RAPGEF6: variants seen among roughly 807,000 people sequenced by gnomAD.
RAPGEF6 encodes the protein PDZ domain containing guanine nucleotide exchange factor (GEF) 2.
Under a neutral mutation model 171.4 loss-of-function variants are expected in RAPGEF6, and 56 were observed. That is an observed-to-expected ratio of 0.33 (90% CI 0.26 to 0.41). RAPGEF6 has a LOEUF of 0.41. Ranked by LOEUF, RAPGEF6 falls within the 10% of genes least tolerant of loss-of-function variation. The pLI, the probability that RAPGEF6 is intolerant of heterozygous loss-of-function variation, is 1.00. For missense variants in RAPGEF6, 1,674 were observed against 1,921.4 expected, an observed-to-expected ratio of 0.87 and a Z score of 2.41; for synonymous variants, 692 against 650.1, an observed-to-expected ratio of 1.06 and a Z score of -0.98.
At position 131,492,716 on chromosome 5, in the gene RAPGEF6, G is replaced by A. The variant is rs1756364697; in HGVS notation, c.1597C>T (p.Leu533=). Reference sequence around the variant, plus strand: ...GGGGACTCGCGGGAAGCCTTTTGCAGCACAACCTGTCTCCACTTAGCCTTT... The same window carrying A: ...GGGGACTCGCGGGAAGCCTTTTGCAACACAACCTGTCTCCACTTAGCCTTT... ...AAKAKWRQVV[L]QKASRESPLQ... is the part of the protein sequence containing the mutation. Residue 533 remains leucine (L), a synonymous_variant, in exon 14 of 28, where the codon CTG becomes TTG. Transcript: ENST00000509018. 1.9e-6 allele frequency: 3 copies of A among 1,614,060 alleles called. No individual in the cohort carries two copies. Among genetic ancestry groups the A allele is most frequent in the Middle Eastern group, 3.3e-4 (2 of 6,062 alleles).
At chr5:131,530,266 T>C (rs957183980) in intron 6 of RAPGEF6, among the ~76,000 whole-genome samples, 9 of 152,034 alleles carry the variant, frequency 5.9e-5, no homozygotes, top group African/African-American at 1.9e-4. Context: ...GACAGTGTAG[T>C]AACTTTTTCA....
intron 17 of RAPGEF6, among the ~76,000 whole-genome samples, chr5:131,466,607 T>G (rs1754368117): frequency 1.3e-5 from 2 of 152,192 alleles, no homozygotes; most frequent in African/African-American, 4.8e-5. Flanking sequence ...CTGATGGTTT[T>G]AAACAGAGGA....
intron 18 of RAPGEF6, among the ~76,000 whole-genome samples, chr5:131,462,659 TACC>T (rs1469822646): frequency 6.6e-6 from 1 of 152,194 alleles, no homozygotes; most frequent in Non-Finnish European, 1.5e-5. Flanking sequence ...ACTTATCAGT[TACC>T]ACACATTAAG....
chr5:131,533,214 C>CACACACA (rs1554079741), intron 6 of RAPGEF6, among the ~76,000 whole-genome samples: 2 of 120,204 alleles, frequency 1.7e-5, no homozygotes, highest in Non-Finnish European at 3.7e-5. Context: ...ACACACACAC[C>CACACACA]CCATCCTCCT....
chr5:131,615,364 C>G (rs1406654585), intron 1 of RAPGEF6, among the ~76,000 whole-genome samples: 4 of 152,082 alleles, frequency 2.6e-5, no homozygotes, highest in South Asian at 2.1e-4. Flanking sequence ...GTTGTGGAGT[C>G]TGTAATGCTG....
intron 24 of RAPGEF6, among the ~76,000 whole-genome samples, chr5:131,437,563 C>A (rs1316185105): frequency 6.6e-6 from 1 of 152,154 alleles, no homozygotes; most frequent in African/African-American, 2.4e-5. Context: ...TGGTAAGGGG[C>A]GCATTGGATA....
intron 4 of RAPGEF6, among the ~76,000 whole-genome samples, chr5:131,579,588 A>T (rs1379618398): frequency 1.3e-5 from 2 of 152,142 alleles, no homozygotes; most frequent in Non-Finnish European, 2.9e-5. Context: ...CCAAGTCCCC[A>T]CTACATTAGC....
chr5:131,446,630 G>A lies in RAPGEF6; in HGVS notation c.3274C>T (p.Arg1092Cys), dbSNP rs373182124. 30 of 1,614,026 alleles carry A rather than the reference G, an allele frequency of 1.9e-5. No individual in the cohort carries two copies. The highest frequency in any genetic ancestry group is 6.7e-5 in the East Asian group (3 of 44,892). Residue 1092 changes from arginine to cysteine, a missense_variant, in exon 22 of 28, where the codon CGC becomes TGC. Arg to Cys is a radical substitution (Grantham distance 180, BLOSUM62 -3). Coordinates refer to ENST00000509018, the MANE Select transcript of RAPGEF6 (RefSeq NM_016340.6). ...QGGAHKKRAR[R>C]SSLLNAKKLY... ...TTCTTGGCATTAAGCAGAGAGCTGC[G>A]GCGTGCCCTTTTTTTGTGAGCACCT... is the stretch of plus-strand genomic sequence containing the variant.
chr5:131,625,967 T>TC (rs1765902814), intron 1 of RAPGEF6, among the ~76,000 whole-genome samples: 1 of 152,212 alleles, frequency 6.6e-6, no homozygotes, highest in Admixed American at 6.5e-5. Context: ...AGTCTGCTCC[T>TC]CCCCACTCAA....
rs769392079 is a variant in RAPGEF6, at chr5:131,521,470, C to T, written c.547G>A (p.Val183Met). The T allele has an allele frequency of 1.2e-6, 2 of 1,612,356 alleles. No individual in the cohort carries two copies. Among genetic ancestry groups the T allele is most frequent in the African/African-American group, 1.3e-5 (1 of 74,794 alleles). Residue 183 changes from valine to methionine, a missense_variant, in exon 7 of 28, where the codon GTG (valine) becomes ATG (methionine). This residue lies in a region of RAPGEF6 where 1,116 missense variants were observed against 1,321.5 expected (regional missense o/e 0.84). Transcript: ENST00000509018. ...GACTGACTAGAAGACACATGAGTCA[C>T]CTGTGGATGAGGGTTTTCTGTGAGA... ...MHLTENPHPQ[V>M]THVSSSQSGC...
At chr5:131,527,293 A>G (rs539711257) in intron 6 of RAPGEF6, among the ~76,000 whole-genome samples, 106 of 151,658 alleles carry the variant, frequency 7.0e-4, no homozygotes, top group African/African-American at 2.4e-3. Flanking sequence ...AAACAAAACA[A>G]CAACAACAAC....
At chr5:131,517,131 G>A (rs1264194018) in intron 7 of RAPGEF6, among the ~76,000 whole-genome samples, 1 of 152,172 alleles carries the variant, frequency 6.6e-6, no homozygotes, top group African/African-American at 2.4e-5. Context: ...CAGGGAGAGA[G>A]GGGCAAGGGC....
rs186985495 is a variant in RAPGEF6, at chr5:131,438,435, A to C, written c.3745+1146T>G. 5.9e-5 allele frequency among the ~76,000 whole-genome samples: 9 copies of C among 152,352 alleles called. No homozygotes were observed. The East Asian group carries it at 1.7e-3, about 29-fold the overall frequency. On this transcript the variant is annotated intron_variant, in intron 24 of 27. Coordinates refer to ENST00000509018, the MANE Select transcript of RAPGEF6 (RefSeq NM_016340.6). ...GAGTGAGATGAAACTTAGAGCCTGG[A>C]AGCTGAAGCAAGCTCTGGAAGCTTC... is the stretch of plus-strand genomic sequence containing the variant.
In RAPGEF6 at chr5:131,455,699, T is replaced by A. The variant is rs1187720684; in HGVS notation, c.3076+102A>T. On this transcript the variant is annotated intron_variant, in intron 20 of 27. Coordinates refer to ENST00000509018, the MANE Select transcript of RAPGEF6 (RefSeq NM_016340.6). ...GAAAAATGGTAAAATAGTGTATAGT[T>A]ACCAAATTAATAGAATAGGAAATAT... The A allele has an allele frequency of 1.1e-5, 11 of 983,684 alleles. No individual in the cohort carries two copies. The Admixed American group carries it at 2.5e-4, about 22-fold the overall frequency. 60.9% of individuals were successfully genotyped at this position (983,684 alleles called of 1,614,324 possible). A position where few individuals can be genotyped will look rare whatever the true frequency, so the allele number is the denominator to read the frequency against.
intron 13 of RAPGEF6, among the ~76,000 whole-genome samples, chr5:131,494,944 A>G (rs966983109): frequency 7.2e-5 from 11 of 152,212 alleles, no homozygotes; most frequent in South Asian, 2.1e-4. Flanking sequence ...GGGTACACAT[A>G]TAACACCAGG....
At chr5:131,557,541 C>T (rs1234628271) in intron 5 of RAPGEF6, among the ~76,000 whole-genome samples, 3 of 152,100 alleles carry the variant, frequency 2.0e-5, no homozygotes, top group African/African-American at 7.2e-5. Flanking sequence ...TTTTTCCAAT[C>T]TCTTTTTTCC....
intron 7 of RAPGEF6, 120 bp downstream of exon 7, chr5:131,521,269 TA>T: frequency 1.9e-6 from 2 of 1,065,448 alleles, no homozygotes; most frequent in Non-Finnish European, 2.6e-6. Context: ...CTTATTTTTC[TA>T]AAGACCTTAC....
chr5:131,547,317 A>T (rs1350965917), intron 6 of RAPGEF6, among the ~76,000 whole-genome samples: 2 of 151,838 alleles, frequency 1.3e-5, no homozygotes, highest in Admixed American at 1.3e-4. Context: ...AAATGCAAAC[A>T]AGAGGAAATG....
chr5:131,505,504 T>C lies in RAPGEF6; in HGVS notation c.961A>G (p.Ile321Val). 2 of 1,613,354 alleles carry C rather than the reference T, an allele frequency of 1.2e-6. No homozygotes were observed. The highest frequency in any genetic ancestry group is 1.7e-6 in the Non-Finnish European group (2 of 1,179,622). ...DGQELDSWYVILNGTVEISHP... is the reference protein window; with the variant it reads ...DGQELDSWYVVLNGTVEISHP... ...CTGATTTCCACAGTGCCGTTTAAAA[T>C]AACATACCATGAGTCAAGCTATAGA... is the stretch of plus-strand genomic sequence containing the variant. The change falls in exon 10 of 28, where the codon ATT becomes GTT. Residue 321 changes from isoleucine to valine, a missense_variant. Around this residue, in one of 3 missense-constraint regions of RAPGEF6, gnomAD observed 1,116 missense variants for 1,321.5 expected, o/e 0.84. Coordinates refer to ENST00000509018, the MANE Select transcript of RAPGEF6 (RefSeq NM_016340.6).
Sources: allele counts gnomAD v4.1 joint callset (sites outside exome capture counted in the v4.1 genomes callset), GRCh38; gene constraint gnomAD v4.1.1; regional missense constraint gnomAD v4.1.1; transcripts MANE v1.5; gene names NCBI Gene and HGNC (gene_info 2026-07-23, HGNC 2026-07-21).